Variants in TMEM17 observed in about 807,000 individuals in gnomAD.
TMEM17 encodes transmembrane protein 17.
TMEM17 carries 15 observed loss-of-function variants against 19.1 expected under a neutral mutation model. The observed-to-expected ratio is 0.78, with a 90% CI of 0.52 to 1.21. TMEM17 has a LOEUF of 1.21. TMEM17 is among the 50% of genes most tolerant of loss of function. The probability of loss-of-function intolerance (pLI) is 0.00; values close to 1 mark genes in which losing one functional copy is unlikely to be tolerated. For missense variants in TMEM17, 245 were observed against 242.3 expected (o/e 1.01, Z -0.07); for synonymous variants, 103 against 86.9 (o/e 1.19, Z -1.03).
the TMEM17 span, among the ~76,000 whole-genome samples, chr2:62,465,389 GTTAACA>G: frequency 6.6e-6 from 1 of 152,286 alleles, no homozygotes; most frequent in South Asian, 2.1e-4. Flanking sequence ...TGTGTAAGAT[GTTAACA>G]TTAGGGGAAT....
chr2:62,477,075 G>C, the TMEM17 span, among the ~76,000 whole-genome samples: 4 of 152,118 alleles, frequency 2.6e-5, no homozygotes, highest in African/African-American at 9.7e-5. Context: ...GGCCATTGCC[G>C]AGCAACTGCA....
chr2:62,459,102 T>TAA, the TMEM17 span, among the ~76,000 whole-genome samples: 1 of 152,222 alleles, frequency 6.6e-6, no homozygotes, highest in Non-Finnish European at 1.5e-5. Context: ...GACTGAAAAT[T>TAA]GTAAGATAGT....
chr2:62,486,986 G>C, the TMEM17 span, among the ~76,000 whole-genome samples: 3 of 152,128 alleles, frequency 2.0e-5, no homozygotes, highest in African/African-American at 7.2e-5. Context: ...ATTTCACTCA[G>C]CTCTCAGAAT....
chr2:62,479,356 ACACAATGTC>A, the TMEM17 span, among the ~76,000 whole-genome samples: 1 of 152,312 alleles, frequency 6.6e-6, no homozygotes, highest in South Asian at 2.1e-4. Flanking sequence ...TATTCACTAA[ACACAATGTC>A]CTCCAGTTCC....
downstream of TMEM17, among the ~76,000 whole-genome samples, chr2:62,496,919 A>C (rs1290885754): frequency 6.6e-6 from 1 of 152,174 alleles, no homozygotes; most frequent in Non-Finnish European, 1.5e-5. Context: ...GTGCCACTGC[A>C]CTCCAGCCTT....
rs374719269 is a variant in TMEM17, at chr2:62,501,500, A to C, written c.319-13T>G. The C allele has an allele frequency of 6.3e-7, 1 of 1,596,932 alleles. No individual in the cohort carries two copies. Among genetic ancestry groups the C allele is most frequent in the African/African-American group, 1.4e-5 (1 of 73,620 alleles). On this transcript the variant is annotated splice_polypyrimidine_tract_variant and intron_variant, in intron 3 of 3. Coordinates refer to ENST00000335390, the MANE Select transcript of TMEM17 (RefSeq NM_198276.3). ...CCAACTCAGGAACCTGCAATGACAC[A>C]TATCAAGAGTAATAAAAATCAGTAA...
At chr2:62,465,917 A>T in the TMEM17 span, among the ~76,000 whole-genome samples, 1 of 152,120 alleles carries the variant, frequency 6.6e-6, no homozygotes, top group African/African-American at 2.4e-5. Flanking sequence ...TAATTTTTTT[A>T]AAATAGGGAA....
chr2:62,454,459 G>A, the TMEM17 span, among the ~76,000 whole-genome samples: 1 of 152,252 alleles, frequency 6.6e-6, no homozygotes, highest in African/African-American at 2.4e-5. Context: ...GAATGTAAAA[G>A]GTGGCACAAT....
At chr2:62,475,977 G>A in the TMEM17 span, among the ~76,000 whole-genome samples, 1 of 152,194 alleles carries the variant, frequency 6.6e-6, no homozygotes, top group Non-Finnish European at 1.5e-5. Flanking sequence ...ATTAGAAGCT[G>A]AGGGAGAGGG....
At chr2:62,489,847 C>T in the TMEM17 span, among the ~76,000 whole-genome samples, 1 of 152,108 alleles carries the variant, frequency 6.6e-6, no homozygotes, top group Non-Finnish European at 1.5e-5. Context: ...TAAGCCTGTA[C>T]ATTTGAGCTC....
chr2:62,483,855 C>T, the TMEM17 span, among the ~76,000 whole-genome samples: 35 of 152,230 alleles, frequency 2.3e-4, no homozygotes, highest in African/African-American at 8.2e-4. Flanking sequence ...CCTGCCTCGG[C>T]CTCCCAAAGC....
chr2:62,461,583 G>A, the TMEM17 span, among the ~76,000 whole-genome samples: 1 of 152,126 alleles, frequency 6.6e-6, no homozygotes, highest in Non-Finnish European at 1.5e-5. Flanking sequence ...AAGAGACCCC[G>A]GAGATGGCCA....
At chr2:62,476,641 A>G in the TMEM17 span, among the ~76,000 whole-genome samples, 22 of 152,208 alleles carry the variant, frequency 1.4e-4, 1 homozygote, top group African/African-American at 5.3e-4. Flanking sequence ...AGTGAAATGC[A>G]TTCATATATT....
chr2:62,484,870 C>T, the TMEM17 span, among the ~76,000 whole-genome samples: 3 of 152,126 alleles, frequency 2.0e-5, no homozygotes, highest in Non-Finnish European at 4.4e-5. Flanking sequence ...TGGAGAATTA[C>T]ATAAAAATTC....
the TMEM17 span, among the ~76,000 whole-genome samples, chr2:62,459,016 T>C: frequency 6.6e-6 from 1 of 152,270 alleles, no homozygotes; most frequent in African/African-American, 2.4e-5. Flanking sequence ...TATGGACATA[T>C]GTTTTCACTT....
chr2:62,505,689 C>T (rs1680047899), intron 1 of TMEM17, among the ~76,000 whole-genome samples: 1 of 152,318 alleles, frequency 6.6e-6, no homozygotes, highest in South Asian at 2.1e-4. Context: ...GGGGACCAGC[C>T]TGTGCAGCAA....
At chr2:62,469,053 A>G in the TMEM17 span, among the ~76,000 whole-genome samples, 2 of 149,140 alleles carry the variant, frequency 1.3e-5, no homozygotes, top group African/African-American at 4.9e-5. Context: ...GCCAAACAAT[A>G]CCTTTACTGT....
At chr2:62,466,141 C>T in the TMEM17 span, among the ~76,000 whole-genome samples, 51 of 152,226 alleles carry the variant, frequency 3.4e-4, no homozygotes, top group African/African-American at 1.1e-3. Context: ...AGAGAGGAAA[C>T]CTTCTGAAAA....
chr2:62,480,483 C>A, the TMEM17 span, among the ~76,000 whole-genome samples: 39 of 152,226 alleles, frequency 2.6e-4, no homozygotes, highest in African/African-American at 9.1e-4. Flanking sequence ...CTTAAGAAAT[C>A]TTTGCCCAGA....
Sources: gnomAD v4.1 joint callset for allele counts (sites outside exome capture counted in the v4.1 genomes callset) on GRCh38, gnomAD v4.1.1 for gene constraint, MANE v1.5 for transcripts, NCBI Gene and HGNC (gene_info 2026-07-23, HGNC 2026-07-21) for gene names.